Variants in SPAG16 observed in about 807,000 individuals in gnomAD.
The protein encoded by SPAG16 is sperm-associated antigen 16 protein.
Under a neutral mutation model 80.4 loss-of-function variants are expected in SPAG16, and 86 were observed. The ratio of observed to expected loss-of-function variants is 1.07; its 90% confidence interval spans 0.90 to 1.28. The LOEUF (loss-of-function observed/expected upper bound fraction) is 1.28. Ranked by LOEUF, SPAG16 falls within the 50% of genes most tolerant of loss-of-function variation. SPAG16 has a pLI of 0.00. For missense variants in SPAG16, 870 were observed against 765.3 expected, an observed-to-expected ratio of 1.14 and a Z score of -1.61; for synonymous variants, 294 against 265.9, an observed-to-expected ratio of 1.11 and a Z score of -1.03.
intron 12 of SPAG16, among the ~76,000 whole-genome samples, chr2:214,001,107 T>TAATATAGAATTA (rs1242538388): frequency 6.6e-6 from 1 of 152,216 alleles, no homozygotes; most frequent in African/African-American, 2.4e-5. Context: ...TGCATTAAAT[T>TAATATAGAATTA]AATTGATAGA....
At chr2:214,337,596 A>G (rs887533350) in intron 15 of SPAG16, among the ~76,000 whole-genome samples, 1 of 152,198 alleles carries the variant, frequency 6.6e-6, no homozygotes, top group African/African-American at 2.4e-5. Context: ...TAGGGAGAGA[A>G]CAATAAAACC....
chr2:213,971,274 T>C (rs1372597016), intron 12 of SPAG16, among the ~76,000 whole-genome samples: 1 of 152,162 alleles, frequency 6.6e-6, no homozygotes, highest in Non-Finnish European at 1.5e-5. Flanking sequence ...TATTGCATCA[T>C]TAGTGCACAG....
At chr2:214,269,168 A>C (rs532270416) in intron 15 of SPAG16, among the ~76,000 whole-genome samples, 1 of 152,142 alleles carries the variant, frequency 6.6e-6, no homozygotes, top group African/African-American at 2.4e-5. Flanking sequence ...TTTAAACATG[A>C]AAATCCAAAA....
intron 10 of SPAG16, among the ~76,000 whole-genome samples, chr2:213,626,634 G>A (rs1475887848): frequency 2.0e-5 from 3 of 147,646 alleles, no homozygotes; most frequent in Admixed American, 6.9e-5. Context: ...TATTACTATC[G>A]GGCTCAATTT....
chr2:213,676,974 G>T (rs1179477257), intron 10 of SPAG16, among the ~76,000 whole-genome samples: 1 of 151,608 alleles, frequency 6.6e-6, no homozygotes, highest in Non-Finnish European at 1.5e-5. Flanking sequence ...GTTCCTCCTT[G>T]TACCTCTGGT....
chr2:214,042,110 G>C (rs1474517389), intron 13 of SPAG16, among the ~76,000 whole-genome samples: 3 of 148,072 alleles, frequency 2.0e-5, no homozygotes, highest in African/African-American at 7.5e-5. Flanking sequence ...TTTTGAGACA[G>C]AGTCTCTCTC....
At chr2:213,521,315 G>A (rs1160151842) in intron 10 of SPAG16, among the ~76,000 whole-genome samples, 3 of 152,186 alleles carry the variant, frequency 2.0e-5, no homozygotes, top group Non-Finnish European at 4.4e-5. Context: ...AGATCCAGGT[G>A]TGGGCTCTTG....
chr2:213,737,245 A>G (rs1333130224), intron 10 of SPAG16, among the ~76,000 whole-genome samples: 9 of 152,202 alleles, frequency 5.9e-5, no homozygotes, highest in Non-Finnish European at 2.9e-5. Context: ...AGGGGAATCT[A>G]CACCTTCACA....
At chr2:213,804,946 A>G (rs2071676240) in intron 10 of SPAG16, among the ~76,000 whole-genome samples, 1 of 152,218 alleles carries the variant, frequency 6.6e-6, no homozygotes, top group Admixed American at 6.5e-5. Context: ...AGCCATTCAA[A>G]GACTTTAAGA....
chr2:214,031,145 T>C (rs1158160503), intron 13 of SPAG16, among the ~76,000 whole-genome samples: 4 of 151,940 alleles, frequency 2.6e-5, no homozygotes, highest in South Asian at 2.1e-4. Flanking sequence ...CAGTTTTCCT[T>C]CTAACAGACA....
intron 10 of SPAG16, among the ~76,000 whole-genome samples, chr2:213,831,505 C>T (rs2073657020): frequency 1.3e-5 from 2 of 151,270 alleles, no homozygotes; most frequent in African/African-American, 4.9e-5. Context: ...ATTCAAAGTT[C>T]TTCATGGTTG....
chr2:213,857,403 A>C (rs999011365), intron 10 of SPAG16, among the ~76,000 whole-genome samples: 1 of 152,194 alleles, frequency 6.6e-6, no homozygotes, highest in Non-Finnish European at 1.5e-5. Flanking sequence ...ATGCTCATTG[A>C]CCATGTTGAA....
intron 12 of SPAG16, among the ~76,000 whole-genome samples, chr2:213,938,021 G>A (rs1221027009): frequency 6.6e-6 from 1 of 151,754 alleles, no homozygotes; most frequent in Non-Finnish European, 1.5e-5. Flanking sequence ...CTTTCTGTTT[G>A]TTATCTCATA....
At chr2:214,203,838 CA>C (rs1312258738) in intron 15 of SPAG16, among the ~76,000 whole-genome samples, 3 of 152,156 alleles carry the variant, frequency 2.0e-5, no homozygotes, top group African/African-American at 7.2e-5. Context: ...GGGGGCGAAT[CA>C]GGGGTGCAGA....
chr2:213,907,708 A>T (rs766925082), intron 11 of SPAG16, among the ~76,000 whole-genome samples: 1 of 152,254 alleles, frequency 6.6e-6, no homozygotes, highest in Non-Finnish European at 1.5e-5. Context: ...ATGAAATCCT[A>T]TTATTCACAG....
At chr2:213,563,968 G>A (rs2059678334) in intron 10 of SPAG16, among the ~76,000 whole-genome samples, 1 of 152,086 alleles carries the variant, frequency 6.6e-6, no homozygotes, top group Admixed American at 6.6e-5. Flanking sequence ...CCCCCTACCT[G>A]CCCATTGGAA....
intron 10 of SPAG16, among the ~76,000 whole-genome samples, chr2:213,840,170 TAA>T (rs1162260051): frequency 6.6e-6 from 1 of 152,174 alleles, no homozygotes; most frequent in African/African-American, 2.4e-5. Flanking sequence ...TGATAGGAAA[TAA>T]AGAGAAGGAA....
At chr2:213,961,592 T>C (rs186342667) in intron 12 of SPAG16, among the ~76,000 whole-genome samples, 2 of 151,640 alleles carry the variant, frequency 1.3e-5, no homozygotes, top group Non-Finnish European at 1.5e-5. Flanking sequence ...CTAGTTTTTT[T>C]TTTTTTTTGC....
At chr2:214,066,590 C>A (rs867426999) in intron 13 of SPAG16, among the ~76,000 whole-genome samples, 1 of 152,022 alleles carries the variant, frequency 6.6e-6, no homozygotes, top group African/African-American at 2.4e-5. Context: ...AAGTGTTTCT[C>A]TTCCAGTGCC....
Sources: allele counts gnomAD v4.1 joint callset (sites outside exome capture counted in the v4.1 genomes callset), GRCh38; gene constraint gnomAD v4.1.1; transcripts MANE v1.5; gene names NCBI Gene and HGNC (gene_info 2026-07-23, HGNC 2026-07-21).